NXPE4: variants seen among roughly 807,000 people sequenced by gnomAD.
The protein encoded by NXPE4 is NXPE family member 4.
Under a neutral mutation model 33.3 loss-of-function variants are expected in NXPE4, and 42 were observed. The observed-to-expected ratio is 1.26, with a 90% CI of 0.98 to 1.63. NXPE4 has a LOEUF of 1.63. NXPE4 is among the 40% of genes most tolerant of loss of function. The pLI, the probability that NXPE4 is intolerant of heterozygous loss-of-function variation, is 0.00. For synonymous variants in NXPE4, 253 were observed against 234.9 expected (o/e 1.08, Z -0.71); for missense variants, 709 against 647.6 (o/e 1.09, Z -1.03).
chr11:114,650,208 A>G, the NXPE4 span, among the ~76,000 whole-genome samples: 3 of 152,180 alleles, frequency 2.0e-5, no homozygotes, highest in African/African-American at 7.2e-5. Flanking sequence ...TACACAAACG[A>G]TTTCATCTTT....
At chr11:114,584,798 TTATTAAATATAAA>T (rs1214821456) in intron 2 of NXPE4, 1 of 152,334 alleles carries the variant, frequency 6.6e-6, no homozygotes, top group Non-Finnish European at 1.5e-5. Flanking sequence ...CATATAAAAT[TTATTAAATATAAA>T]TAGTTCCAGG....
At chr11:114,645,002 CTA>C in the NXPE4 span, among the ~76,000 whole-genome samples, 3 of 151,238 alleles carry the variant, frequency 2.0e-5, no homozygotes, top group Admixed American at 6.6e-5. Context: ...ATTATTCACA[CTA>C]TTAAAAAAAA....
At chr11:114,614,342 T>C in the NXPE4 span, among the ~76,000 whole-genome samples, 1 of 151,558 alleles carries the variant, frequency 6.6e-6, no homozygotes, top group Non-Finnish European at 1.5e-5. Context: ...TGATGGATAA[T>C]AAGTGTTGCC....
At chr11:114,625,167 A>G in the NXPE4 span, among the ~76,000 whole-genome samples, 1 of 152,122 alleles carries the variant, frequency 6.6e-6, no homozygotes, top group Admixed American at 6.5e-5. Flanking sequence ...GTGGGTAACC[A>G]CTGTTACCCA....
At chr11:114,629,675 A>G in the NXPE4 span, among the ~76,000 whole-genome samples, 30 of 152,040 alleles carry the variant, frequency 2.0e-4, no homozygotes, top group Admixed American at 1.8e-3. Flanking sequence ...GGCCAGGGCA[A>G]TTACATAGGA....
the NXPE4 span, among the ~76,000 whole-genome samples, chr11:114,640,387 T>C: frequency 2.6e-5 from 4 of 150,986 alleles, no homozygotes; most frequent in Non-Finnish European, 5.9e-5. Context: ...TCCACTCATG[T>C]GTTCGTCAGT....
At chr11:114,677,177 TG>T in the NXPE4 span, among the ~76,000 whole-genome samples, 1 of 152,062 alleles carries the variant, frequency 6.6e-6, no homozygotes, top group Non-Finnish European at 1.5e-5. Context: ...TTACACAGGA[TG>T]AATAAGTTCT....
chr11:114,577,451 C>A (rs182025542), intron 5 of NXPE4, among the ~76,000 whole-genome samples: 8 of 152,178 alleles, frequency 5.3e-5, no homozygotes, highest in Admixed American at 3.9e-4. Flanking sequence ...GCACAGTGTA[C>A]ACTGCTCGGG....
chr11:114,639,755 T>C, the NXPE4 span, among the ~76,000 whole-genome samples: 1 of 127,694 alleles, frequency 7.8e-6, no homozygotes, highest in Non-Finnish European at 1.6e-5. Flanking sequence ...ATAATATATA[T>C]TATATTAAAT....
At chr11:114,626,776 A>C in the NXPE4 span, among the ~76,000 whole-genome samples, 4 of 152,286 alleles carry the variant, frequency 2.6e-5, no homozygotes, top group African/African-American at 9.6e-5. Context: ...TTTGAAAAAA[A>C]TTTAGAATAA....
upstream of NXPE4, among the ~76,000 whole-genome samples, chr11:114,598,273 G>T (rs1265065445): frequency 8.1e-5 from 2 of 24,574 alleles, no homozygotes; most frequent in Non-Finnish European, 1.7e-4. Flanking sequence ...GACCTGGGCA[G>T]CTCTGCCCCT....
At chr11:114,643,419 G>C in the NXPE4 span, among the ~76,000 whole-genome samples, 8 of 152,010 alleles carry the variant, frequency 5.3e-5, no homozygotes, top group Admixed American at 1.3e-4. Flanking sequence ...AATTCATCTT[G>C]AGTTACTTTT....
chr11:114,617,277 C>T, the NXPE4 span, among the ~76,000 whole-genome samples: 10 of 151,970 alleles, frequency 6.6e-5, no homozygotes, highest in Admixed American at 5.9e-4. Context: ...AATATTGCCT[C>T]GTGGATAACC....
chr11:114,671,088 AATAT>A, the NXPE4 span, among the ~76,000 whole-genome samples: 1 of 147,666 alleles, frequency 6.8e-6, no homozygotes, highest in South Asian at 2.1e-4. Flanking sequence ...TATATATATA[AATAT>A]ATATAAACAA....
At chr11:114,576,589 T>C (rs938472718) in intron 5 of NXPE4, among the ~76,000 whole-genome samples, 3 of 151,840 alleles carry the variant, frequency 2.0e-5, no homozygotes, top group African/African-American at 7.3e-5. Context: ...AACAAACATA[T>C]GGAAAAATGC....
intron 2 of NXPE4, among the ~76,000 whole-genome samples, chr11:114,588,673 T>G (rs756012624): frequency 4.1e-4 from 63 of 152,172 alleles, no homozygotes; most frequent in Non-Finnish European, 7.5e-4. Context: ...GAAACACTTT[T>G]TAATGTGCAT....
chr11:114,657,970 G>T, the NXPE4 span, among the ~76,000 whole-genome samples: 1 of 152,066 alleles, frequency 6.6e-6, no homozygotes, highest in Non-Finnish European at 1.5e-5. Flanking sequence ...TTAGTTTATT[G>T]AACCAACTAA....
the NXPE4 span, among the ~76,000 whole-genome samples, chr11:114,622,668 G>T: frequency 6.6e-6 from 1 of 152,032 alleles, no homozygotes; most frequent in Non-Finnish European, 1.5e-5. Context: ...GTTACCCGGT[G>T]GATAATAAAT....
chr11:114,638,261 C>T, the NXPE4 span, among the ~76,000 whole-genome samples: 1 of 152,154 alleles, frequency 6.6e-6, no homozygotes, highest in East Asian at 1.9e-4. Context: ...CACATCAGCT[C>T]CTGAGGCTTC....
Sources: gnomAD v4.1 joint callset for allele counts (sites outside exome capture counted in the v4.1 genomes callset) on GRCh38, gnomAD v4.1.1 for gene constraint, MANE v1.5 for transcripts, NCBI Gene and HGNC (gene_info 2026-07-23, HGNC 2026-07-21) for gene names.